The following SLC47A2 variants were observed in gnomAD, a reference collection of about 807,000 sequenced individuals.
SLC47A2 encodes the protein solute carrier family 47 member 2.
A neutral mutation model predicts 67.7 loss-of-function variants in SLC47A2; 52 were observed. The observed-to-expected ratio is 0.77, with a 90% CI of 0.61 to 0.97. SLC47A2 has a LOEUF of 0.97. Among genes scored for constraint, SLC47A2 ranks in the 50% least tolerant of loss-of-function variants. The pLI is 0.00. For missense variants in SLC47A2, 676 were observed against 712.3 expected, an observed-to-expected ratio of 0.95 and a Z score of 0.58; for synonymous variants, 278 against 292.9, an observed-to-expected ratio of 0.95 and a Z score of 0.52.
Position 19,678,743 on chromosome 17 carries a change from C to T in SLC47A2, c.1644G>A (p.Ala548=), listed in dbSNP as rs776794328. 19 of 1,613,712 alleles carry T rather than the reference C, an allele frequency of 1.2e-5. No homozygotes were observed. Among genetic ancestry groups the T allele is most frequent in the South Asian group, 7.7e-5 (7 of 91,066 alleles). ...LVIRRGAALG[A]ASATLMVGLT... Reference sequence around the variant, plus strand: ...GCCCCACCATCAGTGTGGCTGACGCCGCCCCCAGAGCAGCCCCACGGCGGA... The same window carrying T: ...GCCCCACCATCAGTGTGGCTGACGCTGCCCCCAGAGCAGCCCCACGGCGGA... The change falls in exon 17 of 17, where the codon GCG becomes GCA. Residue 548 remains alanine (A), a synonymous_variant. Transcript: ENST00000433844.
rs1298633430 is a variant in SLC47A2, at chr17:19,681,466, A to G, written c.1298-5T>C. ...CCAGCATGCCCAGCCAGAGGCCTGG[A>G]GGAGACAAGTGATGATGGGAACAAT... On this transcript the variant is annotated splice_polypyrimidine_tract_variant and splice_region_variant and intron_variant, in intron 14 of 16. Transcript: ENST00000433844. The G allele has an allele frequency of 6.2e-7, 1 of 1,614,046 alleles. No homozygotes were observed. The highest frequency in any genetic ancestry group is 2.2e-5 in the East Asian group (1 of 44,872).
chr17:19,679,045 ATAACT>A, intron 16 of SLC47A2, 139 bp from the exon 17 acceptor site: 1 of 665,318 alleles, frequency 1.5e-6, no homozygotes, highest in Non-Finnish European at 2.7e-6. Flanking sequence ...CAGTAGAAAA[ATAACT>A]GCTTTATCTA....
At chr17:19,696,346 C>CA (rs1229618086) in intron 13 of SLC47A2, among the ~76,000 whole-genome samples, 1 of 150,586 alleles carries the variant, frequency 6.6e-6, no homozygotes, top group African/African-American at 2.4e-5. Flanking sequence ...CCTGTAGTCC[C>CA]AGCTACTTGG....
In SLC47A2 at chr17:19,686,715, G is replaced by A. The variant is rs143975477; in HGVS notation, c.1165-5045C>T. On this transcript the variant is annotated intron_variant, in intron 13 of 16. Transcript: ENST00000433844. Reference sequence around the variant, plus strand: ...AAAAGAGACAAGGTCATTGTATAACGATAAAGGGGGTCAGTTCAGCAAGAG... The same window carrying A: ...AAAAGAGACAAGGTCATTGTATAACAATAAAGGGGGTCAGTTCAGCAAGAG... Among the ~76,000 whole-genome samples the A allele has an allele frequency of 5.2e-4, 79 of 152,276 alleles. No individual in the cohort carries two copies. The East Asian group carries it at 0.01, about 19-fold the overall frequency.
intron 9 of SLC47A2, 63 bp downstream of exon 9, chr17:19,706,584 AG>A: frequency 3.0e-6 from 4 of 1,354,530 alleles, no homozygotes; most frequent in Non-Finnish European, 4.0e-6. Flanking sequence ...CATCCTGGGG[AG>A]GGGGCTTCTG....
At chr17:19,692,185 G>C in intron 13 of SLC47A2, 1 of 384,900 alleles carries the variant, frequency 2.6e-6, no homozygotes, top group South Asian at 1.9e-5. Flanking sequence ...CCAAGATCGT[G>C]CCACTGCACT....
At position 19,678,747 on chromosome 17, in the gene SLC47A2, C is replaced by T. The variant is rs770416121; in HGVS notation, c.1640G>A (p.Gly547Glu). Residue 547 changes from glycine (G) to glutamate (E), a missense_variant, in exon 17 of 17, where the codon GGG becomes GAG. Coordinates refer to ENST00000433844, the MANE Select transcript of SLC47A2 (RefSeq NM_001099646.3). ...QLVIRRGAALGAASATLMVGL... is the reference protein window; with the variant it reads ...QLVIRRGAALEAASATLMVGL... ...CACCATCAGTGTGGCTGACGCCGCCCCCAGAGCAGCCCCACGGCGGATGAC... is the reference window on the plus strand; with the variant it reads ...CACCATCAGTGTGGCTGACGCCGCCTCCAGAGCAGCCCCACGGCGGATGAC... 3 of 1,614,004 alleles carry T rather than the reference C, an allele frequency of 1.9e-6. No homozygotes were observed. The highest frequency in any genetic ancestry group is 1.7e-6 in the Non-Finnish European group (2 of 1,180,050).
intron 13 of SLC47A2, among the ~76,000 whole-genome samples, chr17:19,689,754 T>C (rs1159954521): frequency 6.7e-6 from 1 of 150,310 alleles, no homozygotes; most frequent in East Asian, 1.9e-4. Context: ...CTATAAAACA[T>C]TGATGCAACA....
chr17:19,702,802 G>A, intron 12 of SLC47A2, 128 bp from the exon 13 acceptor site: 1 of 1,080,040 alleles, frequency 9.3e-7, no homozygotes, highest in East Asian at 2.6e-5. Flanking sequence ...CCACACAAAT[G>A]TAACTGGCAC....
Position 19,714,701 on chromosome 17 carries a change from A to T in SLC47A2, c.294+20T>A. ...TCTGCCCTTGCCTGGCTTCCTGCCC[A>T]GCTCCAGGAGGCCACCCACCTGAGA... On this transcript the variant is annotated intron_variant, in intron 3 of 16. Coordinates refer to ENST00000433844, the MANE Select transcript of SLC47A2 (RefSeq NM_001099646.3). 3 of 1,613,680 alleles carry T rather than the reference A, an allele frequency of 1.9e-6. No homozygotes were observed. Among genetic ancestry groups the T allele is most frequent in the Non-Finnish European group, 2.5e-6 (3 of 1,179,930 alleles).
intron 13 of SLC47A2, among the ~76,000 whole-genome samples, chr17:19,681,978 T>G (rs1008153006): frequency 6.6e-6 from 1 of 152,234 alleles, no homozygotes; most frequent in Admixed American, 6.5e-5. Flanking sequence ...CCAGTTGGTC[T>G]GGGAGACTGG....
intron 5 of SLC47A2, among the ~76,000 whole-genome samples, chr17:19,712,079 A>G (rs938647561): frequency 6.6e-6 from 1 of 152,122 alleles, no homozygotes; most frequent in African/African-American, 2.4e-5. Context: ...GAATACACAC[A>G]CCCGTGAATA....
At chr17:19,699,413 C>T (rs921689704) in intron 13 of SLC47A2, among the ~76,000 whole-genome samples, 1 of 152,100 alleles carries the variant, frequency 6.6e-6, no homozygotes, top group African/African-American at 2.4e-5. Flanking sequence ...GGGGGTCTCA[C>T]TCTGTTGCCC....
Position 19,707,788 on chromosome 17 carries a change from G to C in SLC47A2, c.685C>G (p.Leu229Val). 1.2e-6 allele frequency: 2 copies of C among 1,603,888 alleles called. No individual in the cohort carries two copies. Among genetic ancestry groups the C allele is most frequent in the South Asian group, 2.2e-5 (2 of 88,962 alleles). The change falls in exon 8 of 17, where the codon CTC becomes GTC. Residue 229 changes from leucine to valine, a missense_variant. By Grantham distance (32) the Leu-to-Val change is conservative (BLOSUM62 1). Transcript: ENST00000433844. ...TGCAGCTTCTTCAGCACAATGTAGA[G>C]AAGGAGGAAGACGGTCTGTGCAAAC... is the stretch of plus-strand genomic sequence containing the variant. ...SQFAQTVFLLLYIVLKKLHLE... is the reference protein window; with the variant it reads ...SQFAQTVFLLVYIVLKKLHLE...
chr17:19,679,999 T>C lies in SLC47A2; in HGVS notation c.1433A>G (p.Glu478Gly). 6.2e-7 allele frequency: 1 copy of C among 1,614,070 alleles called. No individual in the cohort carries two copies. The highest frequency in any genetic ancestry group is 8.5e-7 in the Non-Finnish European group (1 of 1,179,962). ...HSGRQQQQRAESTATRPGPEK... is the reference protein window; with the variant it reads ...HSGRQQQQRAGSTATRPGPEK... ...AGGCCCAGGTCTGGTTGCAGTGCTC[T>C]CTGCTCTCTGCTGCTGCTGCCGGCC... Residue 478 changes from glutamate to glycine, a missense_variant, in exon 16 of 17, where the codon GAG becomes GGG. Coordinates refer to ENST00000433844, the MANE Select transcript of SLC47A2 (RefSeq NM_001099646.3).
chr17:19,705,057 C>T (rs546454356), intron 10 of SLC47A2: 7 of 328,184 alleles, frequency 2.1e-5, no homozygotes, highest in South Asian at 5.8e-5. Flanking sequence ...GAACTCCTGG[C>T]TTTGTGATCC....
intron 5 of SLC47A2, among the ~76,000 whole-genome samples, chr17:19,709,389 C>T (rs1268877801): frequency 2.0e-5 from 3 of 152,180 alleles, no homozygotes; most frequent in African/African-American, 7.2e-5. Flanking sequence ...CAACTGAAAC[C>T]TAGCCCAGGG....
At chr17:19,697,553 C>A (rs1295490591) in intron 13 of SLC47A2, among the ~76,000 whole-genome samples, 1 of 152,128 alleles carries the variant, frequency 6.6e-6, no homozygotes, top group Non-Finnish European at 1.5e-5. Flanking sequence ...CAACCAGCTA[C>A]CAAATATTAT....
In SLC47A2 at chr17:19,713,841, C is replaced by T. The variant is rs368222627; in HGVS notation, c.427G>A (p.Asp143Asn). 1.2e-6 allele frequency: 2 copies of T among 1,612,822 alleles called. No homozygotes were observed. Among genetic ancestry groups the T allele is most frequent in the Non-Finnish European group, 1.7e-6 (2 of 1,179,724 alleles). ...TQHILLLFRQDPDVSRLTQDY... is the reference protein window; with the variant it reads ...TQHILLLFRQNPDVSRLTQDY... ...CCAGCGCACCTGGACACGTCCGGGT[C>T]CTGCCGGAAGAGCAGCAGGATGTGC... is the stretch of plus-strand genomic sequence containing the variant. The change falls in exon 4 of 17, where the codon GAC becomes AAC. Residue 143 changes from aspartate to asparagine, a missense_variant. Asp to Asn is a conservative substitution (Grantham distance 23, BLOSUM62 1). Coordinates refer to ENST00000433844, the MANE Select transcript of SLC47A2 (RefSeq NM_001099646.3).
Sources: gnomAD v4.1 joint callset for allele counts (sites outside exome capture counted in the v4.1 genomes callset) on GRCh38, gnomAD v4.1.1 for gene constraint, MANE v1.5 for transcripts, NCBI Gene and HGNC (gene_info 2026-07-23, HGNC 2026-07-21) for gene names.